TBC1D1: variants seen among roughly 807,000 people sequenced by gnomAD.
TBC1D1 encodes the protein TBC1 domain family member 1.
A neutral mutation model predicts 125.6 loss-of-function variants in TBC1D1; 89 were observed. The ratio of observed to expected loss-of-function variants is 0.71; its 90% CI spans 0.60 to 0.85. TBC1D1 has a LOEUF of 0.85. TBC1D1 is among the 40% of genes least tolerant of loss of function. The pLI, the probability that TBC1D1 is intolerant of heterozygous loss-of-function variation, is 0.00. For missense variants in TBC1D1, 1,377 were observed against 1,469.2 expected (o/e 0.94, Z 1.03); for synonymous variants, 565 against 564.1 (o/e 1.00, Z -0.02).
At chr4:37,983,437 G>C (rs1356144101) in intron 2 of TBC1D1, among the ~76,000 whole-genome samples, 1 of 152,176 alleles carries the variant, frequency 6.6e-6, no homozygotes, top group Admixed American at 6.5e-5. Context: ...TCTTATAGCT[G>C]TGTATTTCAT....
chr4:37,903,373 A>G (rs1023384738), intron 2 of TBC1D1, among the ~76,000 whole-genome samples: 1 of 152,160 alleles, frequency 6.6e-6, no homozygotes, highest in Non-Finnish European at 1.5e-5. Flanking sequence ...GCAAATAGCA[A>G]CTTTCTCAGT....
chr4:37,894,971 C>G (rs1402295261), intron 1 of TBC1D1, among the ~76,000 whole-genome samples: 1 of 152,148 alleles, frequency 6.6e-6, no homozygotes, highest in Non-Finnish European at 1.5e-5. Context: ...ATGACAAAAC[C>G]TACTTCTCAG....
chr4:38,096,193 C>G lies in TBC1D1; in HGVS notation c.2398+103C>G, dbSNP rs1170942000. ...TCAAGTCTAATTTTAGTGGCCATCT[C>G]CCTTCTTTTCATCACATCTTAATCT... On this transcript the variant is annotated intron_variant, in intron 14 of 19. Coordinates refer to ENST00000261439, the MANE Select transcript of TBC1D1 (RefSeq NM_015173.4). 7 of 895,340 alleles carry G rather than the reference C, an allele frequency of 7.8e-6. No individual in the cohort carries two copies. In the African/African-American group the frequency reaches 1.2e-4, roughly 15 times the overall value. 55.5% of individuals were successfully genotyped at this position (895,340 alleles called of 1,614,324 possible). A position where few individuals can be genotyped will look rare whatever the true frequency, so the allele number is the denominator to read the frequency against.
chr4:38,020,920 T>C (rs528603470), intron 5 of TBC1D1: 6 of 381,336 alleles, frequency 1.6e-5, no homozygotes, highest in South Asian at 1.5e-4. Flanking sequence ...AGTGTCACCT[T>C]CTGGTCTAGC....
At chr4:38,095,872 A>G in intron 13 of TBC1D1, 57 bp from the exon 16 acceptor site, 1 of 1,521,746 alleles carries the variant, frequency 6.6e-7, no homozygotes. Context: ...CATGTTGTGT[A>G]ATGGAAATTC....
intron 7 of TBC1D1, among the ~76,000 whole-genome samples, chr4:38,031,390 T>A (rs544218195): frequency 6.6e-6 from 1 of 152,188 alleles, no homozygotes; most frequent in Non-Finnish European, 1.5e-5. Flanking sequence ...TATATCAGCT[T>A]AGTTGGATTT....
chr4:38,086,803 C>G (rs979466059), intron 12 of TBC1D1, among the ~76,000 whole-genome samples: 8 of 152,200 alleles, frequency 5.3e-5, no homozygotes. Flanking sequence ...GGAGGCATTA[C>G]TGGGGAGCTT....
chr4:37,986,156 A>T (rs1378068759), intron 2 of TBC1D1, among the ~76,000 whole-genome samples: 1 of 152,210 alleles, frequency 6.6e-6, no homozygotes, highest in African/African-American at 2.4e-5. Context: ...TCATTCTAGT[A>T]GGATTTAGTA....
intron 19 of TBC1D1, 82 bp downstream of exon 21, chr4:38,133,339 G>C: frequency 1.5e-6 from 2 of 1,353,810 alleles, no homozygotes; most frequent in Non-Finnish European, 1.0e-6. Context: ...AGCAGGCTGG[G>C]CTTTCCCATG....
At chr4:38,048,482 T>G (rs977383268) in intron 10 of TBC1D1, among the ~76,000 whole-genome samples, 3 of 152,106 alleles carry the variant, frequency 2.0e-5, no homozygotes, top group African/African-American at 7.2e-5. Context: ...TGTTGGGAAT[T>G]TTTTCCTAAT....
chr4:38,082,583 C>A lies in TBC1D1; in HGVS notation c.2051-7349C>A, dbSNP rs1347304156. Among the ~76,000 whole-genome samples, 3 of 152,234 alleles carry A rather than the reference C, an allele frequency of 2.0e-5. No homozygotes were observed. In the East Asian group the frequency reaches 5.8e-4, roughly 29 times the overall value. ...CTTGCAGATGCAAAAACAAACGCCA[C>A]TTCTTTCCAAGCATAATTTTCTCCC... On this transcript the variant is annotated intron_variant, in intron 12 of 19. Transcript: ENST00000261439.
intron 15 of TBC1D1, among the ~76,000 whole-genome samples, chr4:38,106,790 A>G (rs943427414): frequency 6.6e-6 from 1 of 152,178 alleles, no homozygotes; most frequent in Non-Finnish European, 1.5e-5. Flanking sequence ...CCAGATCAGA[A>G]CAAGGGCCTC....
At chr4:37,936,957 CAT>C (rs1724521513) in intron 2 of TBC1D1, among the ~76,000 whole-genome samples, 1 of 152,300 alleles carries the variant, frequency 6.6e-6, no homozygotes, top group South Asian at 2.1e-4. Context: ...ATTTATTGGA[CAT>C]ACATAGGGCA....
intron 14 of TBC1D1, among the ~76,000 whole-genome samples, chr4:38,096,459 A>G (rs1041803899): frequency 1.3e-5 from 2 of 152,254 alleles, no homozygotes; most frequent in Non-Finnish European, 2.9e-5. Flanking sequence ...CACAGACTTC[A>G]GACAGGTGGT....
chr4:38,045,982 A>T, intron 10 of TBC1D1, 79 bp downstream of exon 10: 1 of 1,273,762 alleles, frequency 7.9e-7, no homozygotes, highest in Non-Finnish European at 1.1e-6. Context: ...ACATACCTCC[A>T]ATCATAAAAC....
At chr4:38,078,078 G>A (rs1755908529) in intron 12 of TBC1D1, among the ~76,000 whole-genome samples, 1 of 152,170 alleles carries the variant, frequency 6.6e-6, no homozygotes, top group Non-Finnish European at 1.5e-5. Flanking sequence ...CAGCAGCACA[G>A]GTCGGTGGCC....
chr4:38,077,100 A>G (rs779756740), intron 12 of TBC1D1, among the ~76,000 whole-genome samples: 8 of 152,138 alleles, frequency 5.3e-5, no homozygotes, highest in Admixed American at 2.0e-4. Context: ...TCACATCATC[A>G]GAGGATGATA....
At chr4:38,064,201 A>G (rs1402138386) in intron 12 of TBC1D1, among the ~76,000 whole-genome samples, 3 of 152,204 alleles carry the variant, frequency 2.0e-5, no homozygotes, top group African/African-American at 2.4e-5. Context: ...ATTCCGTTGT[A>G]TAGAGACATC....
intron 15 of TBC1D1, among the ~76,000 whole-genome samples, chr4:38,106,924 G>C (rs1430659687): frequency 6.6e-6 from 1 of 152,080 alleles, no homozygotes; most frequent in African/African-American, 2.4e-5. Context: ...CACTGGCAGG[G>C]CTGGCTGCAT....
Sources: allele counts gnomAD v4.1 joint callset (sites outside exome capture counted in the v4.1 genomes callset), GRCh38; gene constraint gnomAD v4.1.1; transcripts MANE v1.5; gene names NCBI Gene and HGNC (gene_info 2026-07-23, HGNC 2026-07-21).